MYO9A: variants seen among roughly 807,000 people sequenced by gnomAD.
The protein encoded by MYO9A is myosin IXA.
Under a neutral mutation model 293.3 loss-of-function variants are expected in MYO9A, and 103 were observed. The observed-to-expected ratio is 0.35, with a 90% CI of 0.30 to 0.41. The LOEUF is 0.41. MYO9A is among the 10% of genes least tolerant of loss of function. The pLI is 1.00. For missense variants in MYO9A, 2,685 were observed against 3,033.0 expected, an observed-to-expected ratio of 0.89 and a Z score of 2.69; for synonymous variants, 1,001 against 1,035.7, an observed-to-expected ratio of 0.97 and a Z score of 0.64.
At chr15:71,897,305 G>T (rs186097361) in intron 25 of MYO9A, 156 bp downstream of exon 25, 31 of 772,004 alleles carry the variant, frequency 4.0e-5, no homozygotes, top group Non-Finnish European at 1.2e-5. Context: ...CCAACTTCAG[G>T]TGATGGTAGA....
intron 39 of MYO9A, chr15:71,847,287 A>G (rs2055428465): frequency 6.3e-6 from 2 of 319,732 alleles, no homozygotes; most frequent in Admixed American, 5.6e-5. Context: ...ATCAAAAAGT[A>G]GAACCTGACT....
At chr15:71,946,990 A>G (rs1011100475) in intron 15 of MYO9A, among the ~76,000 whole-genome samples, 15 of 152,174 alleles carry the variant, frequency 9.9e-5, no homozygotes, top group African/African-American at 4.8e-5. Flanking sequence ...GGTGGCATGC[A>G]CCTGTAGACC....
At chr15:71,894,892 G>A (rs1194970538) in intron 25 of MYO9A, among the ~76,000 whole-genome samples, 3 of 152,148 alleles carry the variant, frequency 2.0e-5, no homozygotes, top group Non-Finnish European at 4.4e-5. Flanking sequence ...GAGCAGAACT[G>A]TAAGCTCCTT....
chr15:71,835,332 C>A (rs965839393), intron 39 of MYO9A, among the ~76,000 whole-genome samples: 1 of 151,924 alleles, frequency 6.6e-6, no homozygotes, highest in Non-Finnish European at 1.5e-5. Context: ...ATAAGGATTA[C>A]AAAAGAGCAA....
chr15:71,826,696 T>A lies in MYO9A; in HGVS notation c.7531A>T (p.Lys2511Ter). 5 of 1,614,176 alleles carry A rather than the reference T, an allele frequency of 3.1e-6. No individual in the cohort carries two copies. Among genetic ancestry groups the A allele is most frequent in the Non-Finnish European group, 4.2e-6 (5 of 1,180,000 alleles). The change falls in exon 42 of 42, where the codon AAA becomes TAA. Residue 2511 changes from lysine to a stop codon, truncating the protein, a stop_gained. Transcript: ENST00000356056. LOFTEE classifies it high-confidence loss of function. ...KLKNVKNSPQ[K>*]TKETPEGTVM... ...GTCCCCTCTGGGGTCTCTTTGGTTT[T>A]CTGAGGTGAGTTTTTCACATTCTTT... is the stretch of plus-strand genomic sequence containing the variant.
At chr15:71,953,135 G>C (rs970036420) in intron 14 of MYO9A, among the ~76,000 whole-genome samples, 1 of 152,138 alleles carries the variant, frequency 6.6e-6, no homozygotes, top group Non-Finnish European at 1.5e-5. Flanking sequence ...AAAGTCAATA[G>C]GTACAAAGGT....
intron 1 of MYO9A, among the ~76,000 whole-genome samples, 179 bp downstream of exon 1, chr15:72,117,501 G>A (rs1336719514): frequency 6.6e-6 from 1 of 152,182 alleles, no homozygotes; most frequent in African/African-American, 2.4e-5. Flanking sequence ...AAGATACAGG[G>A]GGTGGGGTCT....
chr15:72,004,847 A>C (rs1362682990), intron 8 of MYO9A, among the ~76,000 whole-genome samples: 2 of 152,212 alleles, frequency 1.3e-5, no homozygotes, highest in African/African-American at 4.8e-5. Flanking sequence ...TAAATAAATA[A>C]AGTTAAACCA....
At position 71,849,043 on chromosome 15, in the gene MYO9A, G is replaced by A. The variant is rs1161192150; in HGVS notation, c.6714-75C>T. The A allele has an allele frequency of 3.7e-6, 5 of 1,366,426 alleles. No individual in the cohort carries two copies. In the African/African-American group the frequency reaches 5.9e-5, roughly 16 times the overall value. The allele number at this position is 1,366,426 out of a possible 1,614,324, so 84.6% of individuals were successfully genotyped here. ...AGTATAGCACTCACAGACTGTTTTT[G>A]TGGTAGACAGTTGAAAGATGAAGGA... On this transcript the variant is annotated intron_variant, in intron 38 of 41. Coordinates refer to ENST00000356056, the MANE Select transcript of MYO9A (RefSeq NM_006901.4).
At chr15:71,929,779 G>A (rs1359859669) in intron 18 of MYO9A, among the ~76,000 whole-genome samples, 1 of 152,142 alleles carries the variant, frequency 6.6e-6, no homozygotes. Context: ...TGTGTTTTTG[G>A]TAGAACAATT....
At chr15:71,830,821 GGAA>G (rs2140583114) in intron 39 of MYO9A, among the ~76,000 whole-genome samples, 1 of 152,030 alleles carries the variant, frequency 6.6e-6, no homozygotes, top group South Asian at 2.1e-4. Context: ...AATCTCTCTA[GGAA>G]GACCATAGAA....
intron 12 of MYO9A, among the ~76,000 whole-genome samples, chr15:71,969,403 T>G (rs1405081645): frequency 2.0e-5 from 3 of 152,218 alleles, no homozygotes; most frequent in African/African-American, 4.8e-5. Flanking sequence ...CAATCTTCTT[T>G]CAAGTCACCA....
In MYO9A at chr15:71,951,897, C is replaced by A; in HGVS notation, c.2183-1G>T. The A allele has an allele frequency of 6.4e-7, 1 of 1,564,536 alleles. No individual in the cohort carries two copies. On this transcript the variant is annotated splice_acceptor_variant, in intron 14 of 41. Coordinates refer to ENST00000356056, the MANE Select transcript of MYO9A (RefSeq NM_006901.4). LOFTEE classifies it high-confidence loss of function. The stretch of plus-strand genomic sequence containing the variant: ...GCACATGGCGCTGTATCATCATGTC[C>A]TTAGGAAGCAAAAAAAAACAAACAA...
intron 28 of MYO9A, among the ~76,000 whole-genome samples, chr15:71,881,687 T>C (rs1279933055): frequency 6.6e-6 from 1 of 152,152 alleles, no homozygotes; most frequent in African/African-American, 2.4e-5. Context: ...TTAATACATT[T>C]TTTCCAAATA....
Position 71,916,455 on chromosome 15 carries a change from C to T in MYO9A, c.2600G>A (p.Arg867Lys). 6.2e-7 allele frequency: 1 copy of T among 1,612,404 alleles called. No individual in the cohort carries two copies. Among genetic ancestry groups the T allele is most frequent in the Non-Finnish European group, 8.5e-7 (1 of 1,179,424 alleles). Residue 867 changes from arginine (R) to lysine (K), a missense_variant, in exon 19 of 42, where the codon AGA becomes AAA. Coordinates refer to ENST00000356056, the MANE Select transcript of MYO9A (RefSeq NM_006901.4). ...LEVNSLKHLT[R>K]LTLQDRITKS... is the part of the protein sequence containing the mutation. Reference sequence around the variant, plus strand: ...GGTAATGCGATCTTGTAGTGTCAGTCTTGTCAGGTGCTTTAAAGAATTTAC... The same window carrying T: ...GGTAATGCGATCTTGTAGTGTCAGTTTTGTCAGGTGCTTTAAAGAATTTAC...
intron 1 of MYO9A, among the ~76,000 whole-genome samples, chr15:72,073,815 ATAAAAT>A (rs1437864906): frequency 6.6e-6 from 1 of 152,224 alleles, no homozygotes; most frequent in Non-Finnish European, 1.5e-5. Flanking sequence ...TCACAGCCTA[ATAAAAT>A]TAAAAGACTC....
At chr15:71,868,741 C>A (rs1209773699) in intron 32 of MYO9A, among the ~76,000 whole-genome samples, 4 of 151,970 alleles carry the variant, frequency 2.6e-5, no homozygotes, top group African/African-American at 9.7e-5. Flanking sequence ...TAAGTTTATA[C>A]TGGAGAAAGA....
intron 22 of MYO9A, 46 bp from the exon 23 acceptor site, chr15:71,901,386 A>T: frequency 1.9e-6 from 3 of 1,556,778 alleles, no homozygotes; most frequent in Non-Finnish European, 2.6e-6. Context: ...AGAAGAAATG[A>T]GAAATTTATT....
chr15:71,861,458 G>A (rs973282019), intron 33 of MYO9A, among the ~76,000 whole-genome samples: 1 of 147,502 alleles, frequency 6.8e-6, no homozygotes, highest in East Asian at 1.9e-4. Context: ...ATATTTATAT[G>A]TAAAATAATA....
Sources: allele counts gnomAD v4.1 joint callset (sites outside exome capture counted in the v4.1 genomes callset), GRCh38; gene constraint gnomAD v4.1.1; transcripts MANE v1.5; gene names NCBI Gene and HGNC (gene_info 2026-07-23, HGNC 2026-07-21).